The following CDH12 variants were observed in gnomAD, a reference collection of about 807,000 sequenced individuals.
CDH12 encodes the protein cadherin 12, also known as cadherin-12.
Under a neutral mutation model 74.1 loss-of-function variants are expected in CDH12, and 41 were observed. That is an observed-to-expected ratio of 0.55 (90% CI 0.43 to 0.72). The LOEUF is 0.72. Among genes scored for constraint, CDH12 ranks in the 30% least tolerant of loss-of-function variants. The pLI, the probability that CDH12 is intolerant of heterozygous loss-of-function variation, is 0.00. For missense variants in CDH12, 945 were observed against 977.2 expected (o/e 0.97, Z 0.44); for synonymous variants, 399 against 355.0 (o/e 1.12, Z -1.39).
At position 21,878,737 on chromosome 5, in the gene CDH12, G is replaced by A. The variant is rs530806208; in HGVS notation, c.527-23947C>T. Among the ~76,000 whole-genome samples the A allele has an allele frequency of 2.0e-5, 3 of 150,204 alleles. No individual in the cohort carries two copies. In the East Asian group the frequency reaches 5.9e-4, roughly 29 times the overall value. ...CTTCTACAATACAGCTTGGATGACA[G>A]TAAGAGACCCTGTTGAAAGAAGAAA... On this transcript the variant is annotated intron_variant, in intron 6 of 14. Coordinates refer to ENST00000382254, the MANE Select transcript of CDH12 (RefSeq NM_004061.5).
chr5:22,286,797 TA>T (rs959450199), intron 3 of CDH12, among the ~76,000 whole-genome samples: 7 of 152,004 alleles, frequency 4.6e-5, no homozygotes, highest in African/African-American at 1.7e-4. Context: ...TCATTTTTAA[TA>T]AAAAAAGACA....
At chr5:22,392,966 G>A (rs917593618) in intron 3 of CDH12, among the ~76,000 whole-genome samples, 3 of 152,064 alleles carry the variant, frequency 2.0e-5, no homozygotes, top group African/African-American at 7.2e-5. Flanking sequence ...CCTCCAGGCA[G>A]CCTATTTTTT....
chr5:22,475,874 C>G (rs1746143952), intron 2 of CDH12, among the ~76,000 whole-genome samples: 1 of 151,968 alleles, frequency 6.6e-6, no homozygotes, highest in Admixed American at 6.6e-5. Flanking sequence ...CTTTCAAAAA[C>G]AAGATTTCAT....
chr5:22,077,630 T>C (rs1356631086), intron 5 of CDH12, among the ~76,000 whole-genome samples: 2 of 152,136 alleles, frequency 1.3e-5, no homozygotes, highest in South Asian at 4.1e-4. Flanking sequence ...ATAATACTTA[T>C]TTTTGGGGAA....
intron 1 of CDH12, among the ~76,000 whole-genome samples, chr5:22,562,880 A>G (rs1041440959): frequency 6.7e-5 from 10 of 148,454 alleles, no homozygotes; most frequent in East Asian, 5.8e-4. Flanking sequence ...TTATAAATTT[A>G]AATTTATATA....
intron 1 of CDH12, among the ~76,000 whole-genome samples, chr5:22,592,898 C>T (rs1344731625): frequency 2.0e-5 from 3 of 151,692 alleles, no homozygotes; most frequent in Non-Finnish European, 4.4e-5. Flanking sequence ...GGTGTGGTGG[C>T]ATGCGCCTGT....
At chr5:22,815,769 CAAAAA>C (rs34135797) in intron 1 of CDH12, among the ~76,000 whole-genome samples, 1 of 97,092 alleles carries the variant, frequency 1.0e-5, no homozygotes, top group African/African-American at 4.1e-5. Flanking sequence ...GACTCCGTCT[CAAAAA>C]AAAAAAAAAA....
chr5:21,755,863 G>A, intron 13 of CDH12, 21 bp from the exon 14 acceptor site: 1 of 1,610,632 alleles, frequency 6.2e-7, no homozygotes, highest in Non-Finnish European at 8.5e-7. Context: ...TGACATTTAT[G>A]GTAACATGGT....
At chr5:22,682,585 T>C (rs2126931159) in intron 1 of CDH12, among the ~76,000 whole-genome samples, 1 of 152,184 alleles carries the variant, frequency 6.6e-6, no homozygotes, top group Middle Eastern at 3.4e-3. Context: ...AGTTATCTTT[T>C]GAAACCATTT....
chr5:22,222,992 ATGAACT>A (rs1361320139), intron 3 of CDH12, among the ~76,000 whole-genome samples: 3 of 151,546 alleles, frequency 2.0e-5, no homozygotes, highest in East Asian at 3.9e-4. Flanking sequence ...TTTTTTTCTG[ATGAACT>A]TGAATTGCTT....
At chr5:21,960,025 C>T (rs1317062431) in intron 6 of CDH12, among the ~76,000 whole-genome samples, 3 of 151,004 alleles carry the variant, frequency 2.0e-5, no homozygotes, top group African/African-American at 7.3e-5. Flanking sequence ...GCACCCAACA[C>T]AGGAACACCC....
chr5:21,751,809 C>T lies in CDH12; in HGVS notation c.2313G>A (p.Trp771Ter). ...ADQDYDYLTD[W>*]GPRFKVLADM... ...CTGCCAAGACTTTAAAGCGGGGTCC[C>T]CAGTCTGTCAGATAGTCATAGTCCT... Residue 771 changes from tryptophan (W) to a stop codon, truncating the protein, a stop_gained, in exon 15 of 15, where the codon TGG (tryptophan) becomes TGA (stop). Coordinates refer to ENST00000382254, the MANE Select transcript of CDH12 (RefSeq NM_004061.5). LOFTEE classifies it high-confidence loss of function. 6.2e-7 allele frequency: 1 copy of T among 1,614,000 alleles called. No individual in the cohort carries two copies. Among genetic ancestry groups the T allele is most frequent in the Non-Finnish European group, 8.5e-7 (1 of 1,179,984 alleles).
At chr5:21,874,934 A>G (rs1257419707) in intron 6 of CDH12, among the ~76,000 whole-genome samples, 1 of 152,194 alleles carries the variant, frequency 6.6e-6, no homozygotes, top group Non-Finnish European at 1.5e-5. Context: ...ACCCCAGGTC[A>G]GAGAACAAAA....
intron 2 of CDH12, among the ~76,000 whole-genome samples, chr5:22,462,042 T>A (rs184063152): frequency 3.3e-5 from 5 of 152,270 alleles, no homozygotes; most frequent in African/African-American, 1.2e-4. Flanking sequence ...TACTATAAGA[T>A]ACATCTATCA....
intron 4 of CDH12, among the ~76,000 whole-genome samples, chr5:22,117,477 ATTATATATATATT>A (rs1277185573): frequency 2.3e-4 from 12 of 52,886 alleles, no homozygotes; most frequent in Admixed American, 6.6e-4. Flanking sequence ...TAATATATAT[ATTATATATATATT>A]ATATATATAT....
chr5:22,351,029 C>T (rs377671215), intron 3 of CDH12, among the ~76,000 whole-genome samples: 4 of 151,982 alleles, frequency 2.6e-5, no homozygotes, highest in South Asian at 2.1e-4. Flanking sequence ...GGAATTCAGG[C>T]GGAGTCAAGC....
At chr5:22,766,404 A>G (rs1304234155) in intron 1 of CDH12, among the ~76,000 whole-genome samples, 2 of 152,220 alleles carry the variant, frequency 1.3e-5, no homozygotes, top group Non-Finnish European at 2.9e-5. Flanking sequence ...ACTGTGCAGC[A>G]GTGAAAACGC....
chr5:22,204,604 G>C (rs1751118699), intron 4 of CDH12, among the ~76,000 whole-genome samples: 1 of 152,122 alleles, frequency 6.6e-6, no homozygotes, highest in African/African-American at 2.4e-5. Context: ...CATTATTCCT[G>C]GGTTAAAGTT....
chr5:22,796,741 C>T lies in CDH12; in HGVS notation c.-523+56317G>A, dbSNP rs1201353704. Among the ~76,000 whole-genome samples, 7 of 143,806 alleles carry T rather than the reference C, an allele frequency of 4.9e-5. 3 individuals carry two copies. Among genetic ancestry groups the T allele is most frequent in the African/African-American group, 1.6e-4 (6 of 37,002 alleles). The allele number at this position is 143,806 out of a possible 152,430, so 94.3% of individuals were successfully genotyped here. ...TTCACCGTTTTAGCCGGGATGGTCTCGATCTCTTGACCTCGTGATCCGCCC... is the reference window on the plus strand; with the variant it reads ...TTCACCGTTTTAGCCGGGATGGTCTTGATCTCTTGACCTCGTGATCCGCCC... On this transcript the variant is annotated intron_variant, in intron 1 of 14. Coordinates refer to ENST00000382254, the MANE Select transcript of CDH12 (RefSeq NM_004061.5).
Sources: gnomAD v4.1 joint callset for allele counts (sites outside exome capture counted in the v4.1 genomes callset) on GRCh38, gnomAD v4.1.1 for gene constraint, MANE v1.5 for transcripts, NCBI Gene and HGNC (gene_info 2026-07-23, HGNC 2026-07-21) for gene names.